CADM2: variants seen among roughly 807,000 people sequenced by gnomAD.
CADM2 encodes cell adhesion molecule 2, also known as immunoglobulin superfamily member 4D.
A neutral mutation model predicts 49.8 loss-of-function variants in CADM2; 12 were observed. That is an observed-to-expected ratio of 0.24 (90% CI 0.15 to 0.39). The LOEUF (loss-of-function observed/expected upper bound fraction) is 0.39, where lower values mean the gene tolerates loss of function less well. CADM2 is among the 10% of genes least tolerant of loss of function. CADM2 has a pLI of 1.00. For synonymous variants in CADM2, 214 were observed against 175.4 expected (o/e 1.22, Z -1.74); for missense variants, 378 against 492.3 (o/e 0.77, Z 2.20).
intron 1 of CADM2, among the ~76,000 whole-genome samples, chr3:85,449,117 C>G (rs1004575504): frequency 6.8e-6 from 1 of 146,686 alleles, no homozygotes; most frequent in Non-Finnish European, 1.5e-5. Context: ...TTTGTATATT[C>G]TCCTGGAATA....
At chr3:85,946,014 G>C (rs1342899141) in intron 7 of CADM2, among the ~76,000 whole-genome samples, 2 of 152,054 alleles carry the variant, frequency 1.3e-5, no homozygotes, top group Non-Finnish European at 2.9e-5. Context: ...CGACATGATT[G>C]TATATCTAGA....
intron 1 of CADM2, among the ~76,000 whole-genome samples, chr3:85,480,329 A>T (rs1156635327): frequency 6.6e-6 from 1 of 151,866 alleles, no homozygotes; most frequent in African/African-American, 2.4e-5. Context: ...ATATTCAAAA[A>T]TCAATTTTAA....
intron 1 of CADM2, among the ~76,000 whole-genome samples, chr3:85,584,958 A>G (rs1429799058): frequency 6.6e-6 from 1 of 152,132 alleles, no homozygotes; most frequent in Non-Finnish European, 1.5e-5. Flanking sequence ...TCGGAAGTAC[A>G]GTGGTCACCC....
intron 1 of CADM2, among the ~76,000 whole-genome samples, chr3:85,628,271 C>A (rs1044753848): frequency 7.2e-5 from 11 of 151,918 alleles, no homozygotes; most frequent in Non-Finnish European, 1.2e-4. Flanking sequence ...CTGTTACTTG[C>A]AGCTCTGTTT....
intron 1 of CADM2, among the ~76,000 whole-genome samples, chr3:85,449,083 A>ATAATAATAATAATAATT (rs59973385): frequency 3.6e-4 from 54 of 148,266 alleles, no homozygotes; most frequent in Non-Finnish European, 7.1e-4. Context: ...TAATGATAAA[A>ATAATAATAATAATAATT]ATTATATAAT....
intron 5 of CADM2, among the ~76,000 whole-genome samples, chr3:85,903,003 A>T (rs369250910): frequency 1.3e-5 from 2 of 152,068 alleles, no homozygotes; most frequent in Non-Finnish European, 2.9e-5. Context: ...TACATAAAAC[A>T]TATTATATGT....
chr3:85,493,002 G>C (rs1385013710), intron 1 of CADM2, among the ~76,000 whole-genome samples: 2 of 152,058 alleles, frequency 1.3e-5, no homozygotes, highest in African/African-American at 4.8e-5. Flanking sequence ...ATGTCAGTGA[G>C]GAAAGAGACC....
At chr3:85,174,519 T>C (rs1576042146) in intron 1 of CADM2, among the ~76,000 whole-genome samples, 1 of 131,736 alleles carries the variant, frequency 7.6e-6, no homozygotes, top group South Asian at 2.1e-4. Flanking sequence ...TATATATAAA[T>C]ATATATATAT....
intron 6 of CADM2, among the ~76,000 whole-genome samples, chr3:85,926,949 C>T (rs1407878071): frequency 6.6e-6 from 1 of 152,052 alleles, no homozygotes; most frequent in African/African-American, 2.4e-5. Flanking sequence ...AAAACACAAA[C>T]TCATTGAAAT....
intron 2 of CADM2, among the ~76,000 whole-genome samples, chr3:85,745,294 G>A (rs2068569436): frequency 6.6e-6 from 1 of 152,162 alleles, no homozygotes; most frequent in Non-Finnish European, 1.5e-5. Context: ...CTTTTAAAAA[G>A]TACTAGTAAT....
At chr3:85,294,715 G>T (rs1398803766) in intron 1 of CADM2, among the ~76,000 whole-genome samples, 1 of 151,032 alleles carries the variant, frequency 6.6e-6, no homozygotes, top group Non-Finnish European at 1.5e-5. Flanking sequence ...AATAAATGGT[G>T]CTGGGAAAAC....
Position 85,538,464 on chromosome 3 carries a change from T to C in CADM2, c.62-188058T>C, listed in dbSNP as rs2061470878. ...GGTCTTGAAAGTAGCTTGTGCCCTTTCCACTTCGCCACAGCTGCTTTCATG... is the reference window on the plus strand; with the variant it reads ...GGTCTTGAAAGTAGCTTGTGCCCTTCCCACTTCGCCACAGCTGCTTTCATG... On this transcript the variant is annotated intron_variant, in intron 1 of 9. Coordinates refer to ENST00000383699, the MANE Select transcript of CADM2 (RefSeq NM_001167675.2). Among the ~76,000 whole-genome samples, 8 of 152,180 alleles carry C rather than the reference T, an allele frequency of 5.3e-5. No individual in the cohort carries two copies. The South Asian group carries it at 1.7e-3, about 32-fold the overall frequency.
chr3:85,514,107 A>T (rs1417386943), intron 1 of CADM2, among the ~76,000 whole-genome samples: 1 of 151,920 alleles, frequency 6.6e-6, no homozygotes, highest in East Asian at 1.9e-4. Flanking sequence ...ATCTAGAGTC[A>T]TTTTTTTCAA....
At chr3:85,001,329 A>C (rs1385272452) in intron 1 of CADM2, among the ~76,000 whole-genome samples, 1 of 151,918 alleles carries the variant, frequency 6.6e-6, no homozygotes, top group African/African-American at 2.4e-5. Flanking sequence ...GTTTAACTTA[A>C]TTTATTGATC....
intron 1 of CADM2, among the ~76,000 whole-genome samples, chr3:85,302,939 A>G (rs2044134678): frequency 6.6e-6 from 1 of 152,018 alleles, no homozygotes; most frequent in African/African-American, 2.4e-5. Flanking sequence ...AGAAATTAAT[A>G]CTAATATTGA....
chr3:85,242,243 T>G (rs2042548050), intron 1 of CADM2, among the ~76,000 whole-genome samples: 1 of 151,520 alleles, frequency 6.6e-6, no homozygotes, highest in South Asian at 2.1e-4. Flanking sequence ...TTTTATATTT[T>G]AATAGTAAGT....
intron 1 of CADM2, among the ~76,000 whole-genome samples, chr3:85,591,845 C>G (rs1559930516): frequency 6.6e-6 from 1 of 151,892 alleles, no homozygotes; most frequent in Non-Finnish European, 1.5e-5. Context: ...AAAATAATCT[C>G]TGTATTTGAT....
At chr3:85,020,521 ACTT>A (rs2034451208) in intron 1 of CADM2, among the ~76,000 whole-genome samples, 1 of 152,236 alleles carries the variant, frequency 6.6e-6, no homozygotes, top group South Asian at 2.1e-4. Context: ...CATAATTTAT[ACTT>A]CACACATGAA....
intron 1 of CADM2, among the ~76,000 whole-genome samples, chr3:85,178,110 C>A (rs571654320): frequency 6.6e-6 from 1 of 151,926 alleles, no homozygotes; most frequent in African/African-American, 2.4e-5. Context: ...TTAACAACAA[C>A]AAATGTATAT....
Sources: allele counts gnomAD v4.1 joint callset (sites outside exome capture counted in the v4.1 genomes callset), GRCh38; gene constraint gnomAD v4.1.1; transcripts MANE v1.5; gene names NCBI Gene and HGNC (gene_info 2026-07-23, HGNC 2026-07-21).